Variants in SIAH1 observed in about 807,000 individuals in gnomAD.
SIAH1 encodes E3 ubiquitin-protein ligase SIAH1.
SIAH1 carries 2 observed loss-of-function variants against 20.0 expected under a neutral mutation model. The ratio of observed to expected loss-of-function variants is 0.10; its 90% confidence interval spans 0.04 to 0.31. SIAH1 has a LOEUF of 0.31. SIAH1 is among the 10% of genes least tolerant of loss of function. The pLI is 1.00. For synonymous variants in SIAH1, 118 were observed against 125.3 expected, an observed-to-expected ratio of 0.94 and a Z score of 0.39; for missense variants, 119 against 355.3, an observed-to-expected ratio of 0.33 and a Z score of 5.35.
chr16:48,372,338 T>C (rs1442457330), intron 1 of SIAH1, among the ~76,000 whole-genome samples: 4 of 152,172 alleles, frequency 2.6e-5, no homozygotes, highest in African/African-American at 7.2e-5. Context: ...AGGCAAACCA[T>C]TTTAGTTATT....
Position 48,361,828 on chromosome 16 carries a change from C to T in SIAH1, c.601G>A (p.Gly201Ser), listed in dbSNP as rs1236275742. Residue 201 changes from glycine (G) to serine (S), a missense_variant, in exon 2 of 2, where the codon GGT becomes AGT. Physicochemically the swap from Gly to Ser is moderately conservative, Grantham distance 56. Around this residue, in one of 2 missense-constraint regions of SIAH1, gnomAD observed 84 missense variants for 307.8 expected, o/e 0.27. Coordinates refer to ENST00000394725, the MANE Select transcript of SIAH1 (RefSeq NM_003031.4). ...ACGATTGCGAAGAACTGCTGGTGAC[C>T]ATCGTATTTTTCCTGTTTCTCTAAG... Reference protein sequence around the residue: ...LVLEKQEKYDGHQQFFAIVQL... With the variant: ...LVLEKQEKYDSHQQFFAIVQL... 2 of 1,613,988 alleles carry T rather than the reference C, an allele frequency of 1.2e-6. No individual in the cohort carries two copies. Among genetic ancestry groups the T allele is most frequent in the African/African-American group, 2.7e-5 (2 of 74,896 alleles).
intron 1 of SIAH1, among the ~76,000 whole-genome samples, chr16:48,370,851 C>G (rs1251988640): frequency 6.6e-6 from 1 of 151,152 alleles, no homozygotes; most frequent in Non-Finnish European, 1.5e-5. Flanking sequence ...GTGACTCACA[C>G]CTGTAATCCC....
intron 1 of SIAH1, among the ~76,000 whole-genome samples, chr16:48,384,748 C>T (rs1567379412): frequency 6.6e-6 from 1 of 151,362 alleles, no homozygotes; most frequent in African/African-American, 2.4e-5. Flanking sequence ...GAGGGCAGGG[C>T]CCCGGCAGCT....
intron 1 of SIAH1, among the ~76,000 whole-genome samples, chr16:48,378,543 C>G (rs1961172349): frequency 6.6e-6 from 1 of 152,172 alleles, no homozygotes; most frequent in South Asian, 2.1e-4. Flanking sequence ...GTGAAAATGT[C>G]AAGCTGTACA....
At chr16:48,384,136 A>G (rs1391829597) in intron 1 of SIAH1, among the ~76,000 whole-genome samples, 1 of 152,156 alleles carries the variant, frequency 6.6e-6, no homozygotes, top group Non-Finnish European at 1.5e-5. Flanking sequence ...TCAACATCCA[A>G]CTGCTGAAGA....
chr16:48,372,299 T>C (rs558621243), intron 1 of SIAH1, among the ~76,000 whole-genome samples: 24 of 152,334 alleles, frequency 1.6e-4, no homozygotes, highest in African/African-American at 5.8e-4. Flanking sequence ...ACAATCTATG[T>C]TGACATAAGC....
At chr16:48,380,919 ACTCCGTCTC>A (rs1961262287) in intron 1 of SIAH1, among the ~76,000 whole-genome samples, 1 of 146,524 alleles carries the variant, frequency 6.8e-6, no homozygotes, top group Admixed American at 6.8e-5. Flanking sequence ...ACAGAGTGAG[ACTCCGTCTC>A]AAAAAAAAAA....
upstream of SIAH1, among the ~76,000 whole-genome samples, chr16:48,386,671 C>T (rs1438021471): frequency 1.3e-5 from 2 of 152,180 alleles, no homozygotes; most frequent in African/African-American, 4.8e-5. Context: ...AGTTATAGCT[C>T]CTCAGTACAC....
intron 1 of SIAH1, among the ~76,000 whole-genome samples, chr16:48,380,778 A>T (rs1316728715): frequency 6.6e-6 from 1 of 151,806 alleles, no homozygotes; most frequent in Non-Finnish European, 1.5e-5. Flanking sequence ...AAAAAGAAAA[A>T]TTAGCCGGGC....
At chr16:48,368,485 C>T (rs1402066372) in intron 1 of SIAH1, among the ~76,000 whole-genome samples, 1 of 152,196 alleles carries the variant, frequency 6.6e-6, no homozygotes, top group East Asian at 1.9e-4. Flanking sequence ...CACCTGAGGT[C>T]AGGAGTTCAA....
intron 1 of SIAH1, among the ~76,000 whole-genome samples, chr16:48,376,828 G>A (rs1961121393): frequency 6.6e-6 from 1 of 152,174 alleles, no homozygotes; most frequent in Non-Finnish European, 1.5e-5. Flanking sequence ...TAGAAGTAAA[G>A]CTACCTTACC....
intron 1 of SIAH1, among the ~76,000 whole-genome samples, chr16:48,377,481 C>G (rs542383749): frequency 6.6e-6 from 1 of 151,506 alleles, no homozygotes; most frequent in Admixed American, 6.6e-5. Flanking sequence ...ACCTACACCT[C>G]CCGGGTTAAG....
intron 1 of SIAH1, among the ~76,000 whole-genome samples, chr16:48,368,144 GA>G (rs1183330664): frequency 2.0e-5 from 3 of 152,018 alleles, no homozygotes; most frequent in Non-Finnish European, 4.4e-5. Flanking sequence ...GTCAGATATG[GA>G]AAAAAATCAT....
At chr16:48,380,737 A>G (rs541985944) in intron 1 of SIAH1, among the ~76,000 whole-genome samples, 1 of 152,042 alleles carries the variant, frequency 6.6e-6, no homozygotes, top group East Asian at 1.9e-4. Context: ...TGACCTGGCC[A>G]GCATGGCAAA....
At position 48,361,382 on chromosome 16, in the gene SIAH1, T is replaced by TAC; in HGVS notation, c.*196_*197dup. ...ATATACATATATTTTTTCAGTGGTT[T>TAC]ACTGTTGACTTATTTTTAAATATAT... On this transcript the variant is annotated 3_prime_UTR_variant, in exon 2 of 2. Transcript: ENST00000394725. 1.8e-6 allele frequency: 1 copy of TAC among 553,520 alleles called. No individual in the cohort carries two copies. Among genetic ancestry groups the TAC allele is most frequent in the Admixed American group, 3.3e-5 (1 of 30,508 alleles). 34.3% of individuals were successfully genotyped at this position (553,520 alleles called of 1,614,324 possible).
intron 1 of SIAH1, among the ~76,000 whole-genome samples, chr16:48,366,175 G>A (rs1324789507): frequency 6.6e-6 from 1 of 151,336 alleles, no homozygotes; most frequent in East Asian, 2.0e-4. Context: ...GTGGAACCAC[G>A]CTATTTTCGG....
intron 1 of SIAH1, among the ~76,000 whole-genome samples, chr16:48,377,168 A>C (rs1289514319): frequency 6.6e-6 from 1 of 152,196 alleles, no homozygotes; most frequent in Admixed American, 6.5e-5. Context: ...TTATAAATAT[A>C]ATTAGTTCTC....
chr16:48,369,540 A>G (rs949436750), intron 1 of SIAH1, among the ~76,000 whole-genome samples: 1 of 151,804 alleles, frequency 6.6e-6, no homozygotes, highest in Admixed American at 6.6e-5. Flanking sequence ...AGAGTTTGAG[A>G]CAAGCCTAGG....
chr16:48,384,714 G>A (rs1474085029), intron 1 of SIAH1, among the ~76,000 whole-genome samples: 1 of 151,186 alleles, frequency 6.6e-6, no homozygotes, highest in Non-Finnish European at 1.5e-5. Flanking sequence ...CGGGCCTCCG[G>A]GCGCCGCGGG....
Sources: gnomAD v4.1 joint callset for allele counts (sites outside exome capture counted in the v4.1 genomes callset) on GRCh38, gnomAD v4.1.1 for gene constraint, gnomAD v4.1.1 regional missense constraint, MANE v1.5 for transcripts, NCBI Gene and HGNC (gene_info 2026-07-23, HGNC 2026-07-21) for gene names.